Variants in CAST observed in about 807,000 individuals in gnomAD.
CAST encodes calpastatin, also known as MIR583 host.
CAST carries 76 observed loss-of-function variants against 119.6 expected under a neutral mutation model. That is an observed-to-expected ratio of 0.64 (90% CI 0.53 to 0.77). The LOEUF (loss-of-function observed/expected upper bound fraction) is 0.77. Ranked by LOEUF, CAST falls within the 30% of genes least tolerant of loss-of-function variation. CAST has a pLI of 0.00. For missense variants in CAST, 953 were observed against 946.5 expected, an observed-to-expected ratio of 1.01 and a Z score of -0.09; for synonymous variants, 319 against 331.6, an observed-to-expected ratio of 0.96 and a Z score of 0.41.
chr5:96,234,466 C>G, the CAST span, among the ~76,000 whole-genome samples: 1 of 152,156 alleles, frequency 6.6e-6, no homozygotes, highest in Non-Finnish European at 1.5e-5. Flanking sequence ...CATACTAAAT[C>G]AGGTCAACCA....
the CAST span, chr5:96,213,840 C>CTTAT: frequency 6.6e-6 from 1 of 152,162 alleles, no homozygotes; most frequent in African/African-American, 2.4e-5. Flanking sequence ...CATTCCACCT[C>CTTAT]TTTCCCCAGT....
At chr5:96,057,639 A>T in the CAST span, among the ~76,000 whole-genome samples, 1 of 152,134 alleles carries the variant, frequency 6.6e-6, no homozygotes, top group Non-Finnish European at 1.5e-5. Flanking sequence ...CCATTATGGG[A>T]TCTATGGCAA....
chr5:96,705,654 G>GTATTAATAGTTCTAATATTAATATTTA (rs1754813619), intron 3 of CAST, among the ~76,000 whole-genome samples: 2 of 151,882 alleles, frequency 1.3e-5, no homozygotes, highest in Admixed American at 1.3e-4. Flanking sequence ...TTAGAACATA[G>GTATTAATAGTTCTAATATTAATATTTA]TATTAATAGT....
At chr5:96,413,963 CAAAAAAAAA>C in the CAST span, among the ~76,000 whole-genome samples, 244 of 22,430 alleles carry the variant, frequency 0.011, 2 homozygotes, top group African/African-American at 0.021. Context: ...ACTAAAAATA[CAAAAAAAAA>C]AAAAAAAAAA....
chr5:96,234,517 A>T, the CAST span, among the ~76,000 whole-genome samples: 1 of 152,166 alleles, frequency 6.6e-6, no homozygotes, highest in Non-Finnish European at 1.5e-5. Flanking sequence ...AAGTCAGGAG[A>T]TGGACAGGCC....
chr5:96,539,640 C>T (rs982184210), intron 1 of CAST, among the ~76,000 whole-genome samples: 21 of 152,098 alleles, frequency 1.4e-4, no homozygotes, highest in Admixed American at 1.3e-4. Flanking sequence ...AAATTCCCTG[C>T]GTTTCACCTC....
the CAST span, among the ~76,000 whole-genome samples, chr5:96,048,944 G>T: frequency 6.6e-6 from 1 of 152,208 alleles, no homozygotes; most frequent in African/African-American, 2.4e-5. Context: ...AAAGTCTGCA[G>T]CATGGAGATA....
At chr5:96,019,431 A>T in the CAST span, among the ~76,000 whole-genome samples, 1 of 152,188 alleles carries the variant, frequency 6.6e-6, no homozygotes, top group South Asian at 2.1e-4. Flanking sequence ...TATTATAGCC[A>T]TTGGACTTGC....
chr5:96,202,483 T>C, the CAST span, among the ~76,000 whole-genome samples: 1 of 152,078 alleles, frequency 6.6e-6, no homozygotes, highest in Non-Finnish European at 1.5e-5. Context: ...TGTAATAGAT[T>C]ATGCTTATTT....
chr5:96,322,937 G>C, the CAST span, among the ~76,000 whole-genome samples: 1 of 152,248 alleles, frequency 6.6e-6, no homozygotes, highest in African/African-American at 2.4e-5. Flanking sequence ...AGGAGAAAGG[G>C]ACTCTTCCCT....
the CAST span, among the ~76,000 whole-genome samples, chr5:96,431,753 C>G: frequency 2.0e-5 from 3 of 152,148 alleles, no homozygotes; most frequent in Non-Finnish European, 4.4e-5. Flanking sequence ...ATCGCCAACG[C>G]CCCCGCCGAT....
chr5:96,193,572 T>G, the CAST span, among the ~76,000 whole-genome samples: 2 of 152,226 alleles, frequency 1.3e-5, no homozygotes, highest in African/African-American at 2.4e-5. Context: ...ATGGCAAAAT[T>G]CAAAATGACT....
intron 1 of CAST, among the ~76,000 whole-genome samples, chr5:96,649,171 T>A (rs1748060488): frequency 6.6e-6 from 1 of 152,214 alleles, no homozygotes; most frequent in African/African-American, 2.4e-5. Context: ...TTAAAATTAA[T>A]AAAAGATTCA....
the CAST span, among the ~76,000 whole-genome samples, chr5:96,462,658 C>A: frequency 6.6e-6 from 1 of 152,028 alleles, no homozygotes; most frequent in South Asian, 2.1e-4. Context: ...CCTTTCTGCA[C>A]CGATATTCTG....
the CAST span, among the ~76,000 whole-genome samples, chr5:96,275,309 G>A: frequency 6.6e-6 from 1 of 152,120 alleles, no homozygotes; most frequent in African/African-American, 2.4e-5. Flanking sequence ...GCTTGTATTA[G>A]TCACAATTTG....
the CAST span, among the ~76,000 whole-genome samples, chr5:96,234,839 TG>T: frequency 2.6e-5 from 4 of 152,166 alleles, no homozygotes; most frequent in Non-Finnish European, 4.4e-5. Context: ...TGTGTGTGTG[TG>T]TTTTACTGCT....
At chr5:96,386,946 C>T in the CAST span, among the ~76,000 whole-genome samples, 1 of 152,164 alleles carries the variant, frequency 6.6e-6, no homozygotes, top group Non-Finnish European at 1.5e-5. Context: ...GCCTGGGCAA[C>T]AGAGCAAAAC....
chr5:96,298,632 T>G, the CAST span, among the ~76,000 whole-genome samples: 1 of 152,222 alleles, frequency 6.6e-6, no homozygotes, highest in East Asian at 1.9e-4. Flanking sequence ...GTCATTTTTT[T>G]AGTGCCTGAG....
intron 1 of CAST, among the ~76,000 whole-genome samples, chr5:96,600,966 C>A (rs1434711200): frequency 6.6e-6 from 1 of 152,088 alleles, no homozygotes; most frequent in Non-Finnish European, 1.5e-5. Context: ...ATTTTGGTCT[C>A]CCTCTGTTTT....
Sources: gnomAD v4.1 joint callset for allele counts (sites outside exome capture counted in the v4.1 genomes callset) on GRCh38, gnomAD v4.1.1 for gene constraint, MANE v1.5 for transcripts, NCBI Gene and HGNC (gene_info 2026-07-23, HGNC 2026-07-21) for gene names.